TEAD1: variants seen among roughly 807,000 people sequenced by gnomAD.
The protein encoded by TEAD1 is TEA domain transcription factor 1.
TEAD1 carries 9 observed loss-of-function variants against 54.9 expected under a neutral mutation model. The ratio of observed to expected loss-of-function variants is 0.16; its 90% CI spans 0.10 to 0.29. The LOEUF (loss-of-function observed/expected upper bound fraction) is 0.29. TEAD1 is among the 10% of genes least tolerant of loss of function. The pLI is 1.00. For missense variants in TEAD1, 387 were observed against 535.9 expected (o/e 0.72, Z 2.74); for synonymous variants, 200 against 187.8 (o/e 1.07, Z -0.53).
intron 2 of TEAD1, among the ~76,000 whole-genome samples, chr11:12,756,914 G>A (rs1307699948): frequency 2.0e-5 from 3 of 152,186 alleles, no homozygotes; most frequent in Non-Finnish European, 4.4e-5. Context: ...TGGTTTTGAG[G>A]TACCAGTTCA....
Position 12,729,667 on chromosome 11 carries a change from C to G in TEAD1, c.-54-34512C>G, listed in dbSNP as rs185932023. 7.7e-4 allele frequency among the ~76,000 whole-genome samples: 117 copies of G among 152,222 alleles called. 1 individual carries two copies. Among genetic ancestry groups the G allele is most frequent in the Admixed American group, 7.7e-3 (117 of 15,292 alleles). Reference sequence around the variant, plus strand: ...GAAAGCTAGAGAGAGGAATGAAGGACCTTGTGGAGATGGTGCTTGGGCCAT... The same window carrying G: ...GAAAGCTAGAGAGAGGAATGAAGGAGCTTGTGGAGATGGTGCTTGGGCCAT... On this transcript the variant is annotated intron_variant, in intron 2 of 12. Coordinates refer to ENST00000527636, the MANE Select transcript of TEAD1 (RefSeq NM_021961.6).
At chr11:12,821,328 C>T (rs1293925017) in intron 3 of TEAD1, among the ~76,000 whole-genome samples, 1 of 152,162 alleles carries the variant, frequency 6.6e-6, no homozygotes, top group Non-Finnish European at 1.5e-5. Context: ...ACTTTCTTGC[C>T]CTGTGACCCT....
chr11:12,715,928 G>A (rs561218794), intron 2 of TEAD1, among the ~76,000 whole-genome samples: 1 of 152,136 alleles, frequency 6.6e-6, no homozygotes, highest in South Asian at 2.1e-4. Context: ...TGGAAGATGG[G>A]GGAAAGACCA....
At chr11:12,850,770 AT>A (rs1054684564) in intron 3 of TEAD1, among the ~76,000 whole-genome samples, 1 of 152,240 alleles carries the variant, frequency 6.6e-6, no homozygotes, top group Non-Finnish European at 1.5e-5. Context: ...TAATTAATAA[AT>A]AGAGTGCTTT....
intron 2 of TEAD1, among the ~76,000 whole-genome samples, chr11:12,694,748 A>G (rs756357070): frequency 4.6e-5 from 7 of 152,266 alleles, no homozygotes; most frequent in Admixed American, 1.3e-4. Context: ...TTCTTTTTCT[A>G]CGCTAATTGG....
At chr11:12,752,246 T>C (rs1049251393) in intron 2 of TEAD1, among the ~76,000 whole-genome samples, 3 of 151,680 alleles carry the variant, frequency 2.0e-5, no homozygotes, top group Non-Finnish European at 2.9e-5. Flanking sequence ...TTTCTTTCTT[T>C]TTTTTTAAAA....
rs944737103 is a variant in TEAD1 at position 12,942,948 on chromosome 11, C to G, written c.*5726C>G. The G allele has an allele frequency of 3.3e-5, 5 of 151,854 alleles. No individual in the cohort carries two copies. The highest frequency in any genetic ancestry group is 7.4e-5 in the Non-Finnish European group (5 of 67,998). The allele number at this position is 151,854 out of a possible 1,614,324, so 9.4% of individuals were successfully genotyped here. On this transcript the variant is annotated 3_prime_UTR_variant, in exon 13 of 13. Transcript: ENST00000527636. ...GGAAAGCTGATAGAGGTAAGGAAGACGAGTGAAAAGGACAAGAAGGCCAAA... is the reference window on the plus strand; with the variant it reads ...GGAAAGCTGATAGAGGTAAGGAAGAGGAGTGAAAAGGACAAGAAGGCCAAA...
chr11:12,893,765 TTCTC>T (rs1948248635), intron 9 of TEAD1, among the ~76,000 whole-genome samples: 1 of 152,186 alleles, frequency 6.6e-6, no homozygotes, highest in South Asian at 2.1e-4. Context: ...CCAATGATGT[TTCTC>T]TCTGGGAAGA....
chr11:12,825,964 C>G (rs1300541279), intron 3 of TEAD1, among the ~76,000 whole-genome samples: 1 of 152,122 alleles, frequency 6.6e-6, no homozygotes, highest in Non-Finnish European at 1.5e-5. Context: ...AATTGGATAT[C>G]CACATGCAAA....
chr11:12,887,564 A>G (rs1242867256), intron 9 of TEAD1, among the ~76,000 whole-genome samples: 1 of 152,194 alleles, frequency 6.6e-6, no homozygotes, highest in Non-Finnish European at 1.5e-5. Flanking sequence ...CTCAAGTTAT[A>G]TACTGTGTGC....
chr11:12,790,470 G>A (rs893891381), intron 3 of TEAD1, among the ~76,000 whole-genome samples: 3 of 152,152 alleles, frequency 2.0e-5, no homozygotes, highest in Admixed American at 6.5e-5. Flanking sequence ...TTGTAAAATG[G>A]GAATGATAGG....
intron 10 of TEAD1, among the ~76,000 whole-genome samples, chr11:12,917,146 C>T (rs1423536622): frequency 3.9e-5 from 6 of 152,142 alleles, no homozygotes; most frequent in African/African-American, 1.4e-4. Flanking sequence ...AGCATGGTCC[C>T]AAGGTCCCTT....
At chr11:12,895,547 G>A (rs1948298595) in intron 9 of TEAD1, among the ~76,000 whole-genome samples, 1 of 152,230 alleles carries the variant, frequency 6.6e-6, no homozygotes, top group Non-Finnish European at 1.5e-5. Context: ...CAAGGAACTT[G>A]TGGCTAACAC....
chr11:12,723,969 ACT>A (rs1564918968), intron 2 of TEAD1, among the ~76,000 whole-genome samples: 1 of 151,530 alleles, frequency 6.6e-6, no homozygotes, highest in Non-Finnish European at 1.5e-5. Flanking sequence ...TTGATGACAA[ACT>A]CTTTTACTCT....
intron 3 of TEAD1, among the ~76,000 whole-genome samples, chr11:12,811,039 A>G (rs182790988): frequency 6.6e-6 from 1 of 152,312 alleles, no homozygotes; most frequent in Admixed American, 6.5e-5. Context: ...TCATTGTATG[A>G]TTCAGGTGGG....
chr11:12,724,325 C>T (rs1944271243), intron 2 of TEAD1, among the ~76,000 whole-genome samples: 1 of 152,176 alleles, frequency 6.6e-6, no homozygotes, highest in Non-Finnish European at 1.5e-5. Context: ...GATCGAGGCT[C>T]GATTTCAATT....
At position 12,901,920 on chromosome 11, in the gene TEAD1, T is replaced by C; in HGVS notation, c.700-20T>C. On this transcript the variant is annotated intron_variant, in intron 9 of 12. Coordinates refer to ENST00000527636, the MANE Select transcript of TEAD1 (RefSeq NM_021961.6). ...GATCAAAGAGTTTGTAATGGGAATGTTTCTGTTGGTTTCTTACAGTACAAC... is the reference window on the plus strand; with the variant it reads ...GATCAAAGAGTTTGTAATGGGAATGCTTCTGTTGGTTTCTTACAGTACAAC... 1 of 1,614,164 alleles carries C rather than the reference T, an allele frequency of 6.2e-7. No homozygotes were observed. The highest frequency in any genetic ancestry group is 8.5e-7 in the Non-Finnish European group (1 of 1,180,008).
At chr11:12,722,184 G>A (rs867042790) in intron 2 of TEAD1, among the ~76,000 whole-genome samples, 2 of 152,200 alleles carry the variant, frequency 1.3e-5, no homozygotes, top group South Asian at 2.1e-4. Context: ...GAGGGGCTCT[G>A]AAATTCGAAG....
chr11:12,901,543 T>A (rs577136329), intron 9 of TEAD1, among the ~76,000 whole-genome samples: 1 of 152,206 alleles, frequency 6.6e-6, no homozygotes, highest in Non-Finnish European at 1.5e-5. Flanking sequence ...AAGTGCATTC[T>A]GGGTTATGAC....
Sources: allele counts gnomAD v4.1 joint callset (sites outside exome capture counted in the v4.1 genomes callset), GRCh38; gene constraint gnomAD v4.1.1; transcripts MANE v1.5; gene names NCBI Gene and HGNC (gene_info 2026-07-23, HGNC 2026-07-21).